Variants in SBF2 observed in about 807,000 individuals in gnomAD.
The protein encoded by SBF2 is SET binding factor 2.
Under a neutral mutation model 225.2 loss-of-function variants are expected in SBF2, and 112 were observed. The ratio of observed to expected loss-of-function variants is 0.50; its 90% CI spans 0.43 to 0.58. The LOEUF (loss-of-function observed/expected upper bound fraction) is 0.58. Ranked by LOEUF, SBF2 falls within the 20% of genes least tolerant of loss-of-function variation. The probability of loss-of-function intolerance (pLI) is 0.00; values close to 1 mark genes in which losing one functional copy is unlikely to be tolerated. For missense variants in SBF2, 1,996 were observed against 2,206.2 expected (o/e 0.90, Z 1.91); for synonymous variants, 763 against 773.3 (o/e 0.99, Z 0.22).
intron 2 of SBF2, among the ~76,000 whole-genome samples, chr11:10,153,506 T>C (rs1955319261): frequency 6.6e-6 from 1 of 152,142 alleles, no homozygotes; most frequent in Admixed American, 6.5e-5. Context: ...TAATAAAGTT[T>C]GTGAGATGCA....
intron 1 of SBF2, among the ~76,000 whole-genome samples, chr11:10,275,185 AAGAG>A (rs1205330751): frequency 6.6e-6 from 1 of 152,182 alleles, no homozygotes; most frequent in Non-Finnish European, 1.5e-5. Context: ...AGACCGAGAA[AAGAG>A]AGAGAAGAGA....
chr11:9,910,145 G>A (rs1862478383), intron 16 of SBF2, among the ~76,000 whole-genome samples: 1 of 151,750 alleles, frequency 6.6e-6, no homozygotes, highest in African/African-American at 2.4e-5. Flanking sequence ...CTATAGTCAC[G>A]TGGCCTTATA....
At chr11:10,061,766 C>T (rs950509866) in intron 2 of SBF2, among the ~76,000 whole-genome samples, 8 of 152,148 alleles carry the variant, frequency 5.3e-5, no homozygotes, top group African/African-American at 1.7e-4. Flanking sequence ...GGCTACCTTG[C>T]CCAAAGCCAT....
At chr11:9,939,257 G>T (rs1470978309) in intron 16 of SBF2, among the ~76,000 whole-genome samples, 1 of 151,954 alleles carries the variant, frequency 6.6e-6, no homozygotes, top group Admixed American at 6.6e-5. Context: ...CACCACGCCC[G>T]GCTAATTTTT....
At chr11:10,144,936 T>A (rs1954818338) in intron 2 of SBF2, among the ~76,000 whole-genome samples, 1 of 152,210 alleles carries the variant, frequency 6.6e-6, no homozygotes, top group African/African-American at 2.4e-5. Flanking sequence ...GCAGTGCAAA[T>A]GCCTTTTCTC....
intron 17 of SBF2, among the ~76,000 whole-genome samples, chr11:9,894,524 G>GA (rs890199368): frequency 9.1e-5 from 13 of 142,954 alleles, no homozygotes; most frequent in Non-Finnish European, 1.5e-4. Context: ...CACAAAAAAA[G>GA]AAAAAAAAAA....
At chr11:10,128,153 C>A (rs984117855) in intron 2 of SBF2, among the ~76,000 whole-genome samples, 2 of 152,130 alleles carry the variant, frequency 1.3e-5, no homozygotes, top group East Asian at 1.9e-4. Context: ...GACTCTACAG[C>A]GCACTGGTGA....
intron 1 of SBF2, among the ~76,000 whole-genome samples, chr11:10,300,949 A>G (rs1312732570): frequency 6.6e-6 from 1 of 151,338 alleles, no homozygotes; most frequent in Non-Finnish European, 1.5e-5. Context: ...GTACTGGACC[A>G]TCTCTTCTCT....
rs569103394 is a variant in SBF2, at chr11:9,832,206, T to G, written c.3652+18A>C. On this transcript the variant is annotated intron_variant, in intron 27 of 39. Transcript: ENST00000256190. Reference sequence around the variant, plus strand: ...CTTATGTGAACGGGTGGTAATTGTGTTATAGAGAGATGCTTACCGGCCTGA... The same window carrying G: ...CTTATGTGAACGGGTGGTAATTGTGGTATAGAGAGATGCTTACCGGCCTGA... The G allele has an allele frequency of 7.7e-5, 124 of 1,606,850 alleles. No homozygotes were observed. The South Asian group carries it at 1.3e-3, about 17-fold the overall frequency.
chr11:9,802,703 A>G lies in SBF2; in HGVS notation c.4443+5297T>C, dbSNP rs551000811. 7.9e-5 allele frequency among the ~76,000 whole-genome samples: 12 copies of G among 152,352 alleles called. No individual in the cohort carries two copies. The East Asian group carries it at 1.5e-3, about 20-fold the overall frequency. On this transcript the variant is annotated intron_variant, in intron 32 of 39. Transcript: ENST00000256190. ...TGTTCACTTGAAAGGCATTCAAAGAAGGCATTTTCTAATGCCTAAAACCAG... is the reference window on the plus strand; with the variant it reads ...TGTTCACTTGAAAGGCATTCAAAGAGGGCATTTTCTAATGCCTAAAACCAG...
At chr11:9,939,528 T>C (rs910131835) in intron 16 of SBF2, among the ~76,000 whole-genome samples, 1 of 152,224 alleles carries the variant, frequency 6.6e-6, no homozygotes, top group African/African-American at 2.4e-5. Flanking sequence ...AAACTTTTCA[T>C]GGGTGAGGCC....
intron 8 of SBF2, among the ~76,000 whole-genome samples, chr11:10,000,150 A>G (rs563611441): frequency 2.0e-5 from 3 of 152,250 alleles, no homozygotes; most frequent in African/African-American, 7.2e-5. Flanking sequence ...ATCTGTTTCT[A>G]TAGCCACTTC....
intron 16 of SBF2, among the ~76,000 whole-genome samples, chr11:9,899,629 T>C (rs1436114511): frequency 6.6e-6 from 1 of 151,486 alleles, no homozygotes; most frequent in African/African-American, 2.4e-5. Context: ...ATTAGAAGGG[T>C]CCCAAGTACA....
intron 29 of SBF2, among the ~76,000 whole-genome samples, chr11:9,815,263 C>A (rs1392267890): frequency 1.6e-5 from 2 of 128,384 alleles, no homozygotes; most frequent in African/African-American, 5.7e-5. Context: ...CGTGGTGAAA[C>A]CCCATCTCTA....
chr11:10,194,025 A>G (rs1957277163), intron 1 of SBF2, 38 bp from the exon 2 acceptor site: 1 of 1,261,892 alleles, frequency 7.9e-7, no homozygotes, highest in Non-Finnish European at 1.2e-6. Flanking sequence ...ATTATAGGAC[A>G]CTAAAAACTA....
chr11:10,166,771 T>G (rs1182299023), intron 2 of SBF2, among the ~76,000 whole-genome samples: 1 of 152,036 alleles, frequency 6.6e-6, no homozygotes, highest in Non-Finnish European at 1.5e-5. Flanking sequence ...AAGACCAGCT[T>G]GGCCAACATC....
chr11:10,080,248 C>CAAAAAA (rs34181436), intron 2 of SBF2, among the ~76,000 whole-genome samples: 7 of 82,226 alleles, frequency 8.5e-5, no homozygotes, highest in Non-Finnish European at 1.4e-4. Context: ...AACTCTGTCT[C>CAAAAAA]AAAAAAAAAA....
At position 9,967,971 on chromosome 11, in the gene SBF2, CTATA is replaced by C. The variant is rs1188261255; in HGVS notation, c.1600+366_1600+369del. Among the ~76,000 whole-genome samples the C allele has an allele frequency of 8.9e-3, 813 of 91,422 alleles. 7 individuals are homozygous for C. The highest frequency in any genetic ancestry group is 0.032 in the East Asian group (89 of 2,770). The allele number at this position is 91,422 out of a possible 152,430, so 60.0% of individuals were successfully genotyped here. On this transcript the variant is annotated intron_variant, in intron 14 of 39. Transcript: ENST00000256190. ...TGTCTCTCTCTCTCTCTCTCTCTCT[CTATA>C]TATATATATATATATAAAATATATA...
Position 9,792,152 on chromosome 11 carries a change from C to T in SBF2, c.4571-1469G>A, listed in dbSNP as rs567725197. On this transcript the variant is annotated intron_variant, in intron 33 of 39. Coordinates refer to ENST00000256190, the MANE Select transcript of SBF2 (RefSeq NM_030962.4). ...TAAAATCTTAAAAATTATGACTCAG[C>T]GTGGTGCGGTGGCTCACATCTGTAA... Among the ~76,000 whole-genome samples, 42 of 152,114 alleles carry T rather than the reference C, an allele frequency of 2.8e-4. 1 individual carries two copies. Among genetic ancestry groups the T allele is most frequent in the Non-Finnish European group, 4.9e-4 (33 of 68,010 alleles).
Sources: gnomAD v4.1 joint callset for allele counts (sites outside exome capture counted in the v4.1 genomes callset) on GRCh38, gnomAD v4.1.1 for gene constraint, MANE v1.5 for transcripts, NCBI Gene and HGNC (gene_info 2026-07-23, HGNC 2026-07-21) for gene names.